Variants in ZSCAN5A observed in about 807,000 individuals in gnomAD.
ZSCAN5A encodes the protein zinc finger and SCAN domain-containing protein 5A.
ZSCAN5A carries 12 observed loss-of-function variants against 23.7 expected under a neutral mutation model. The ratio of observed to expected loss-of-function variants is 0.51; its 90% CI spans 0.32 to 0.82. The LOEUF (loss-of-function observed/expected upper bound fraction) is 0.82, where lower values mean the gene tolerates loss of function less well. Ranked by LOEUF, ZSCAN5A falls within the 40% of genes least tolerant of loss-of-function variation. The pLI is 0.03. For missense variants in ZSCAN5A, 597 were observed against 617.9 expected (o/e 0.97, Z 0.36); for synonymous variants, 257 against 239.9 (o/e 1.07, Z -0.66).
intron 2 of ZSCAN5A, among the ~76,000 whole-genome samples, chr19:56,247,693 C>CTTT (rs1568644282): frequency 2.6e-5 from 2 of 76,374 alleles, no homozygotes; most frequent in Non-Finnish European, 6.1e-5. Flanking sequence ...GCTGTTCTTT[C>CTTT]TTTTATTATT....
intron 2 of ZSCAN5A, chr19:56,228,305 C>G: frequency 1.0e-6 from 1 of 985,388 alleles, no homozygotes; most frequent in Non-Finnish European, 1.2e-6. Context: ...GCTCTCCAAC[C>G]GGCCTGGAGC....
At chr19:56,342,534 C>T (rs2041600993) in intron 2 of ZSCAN5A, 2 of 341,966 alleles carry the variant, frequency 5.8e-6, no homozygotes, top group South Asian at 6.9e-5. Context: ...GAAGAATGGA[C>T]CACCCACTTT....
At chr19:56,342,662 C>A in intron 2 of ZSCAN5A, 1 of 550,982 alleles carries the variant, frequency 1.8e-6, no homozygotes, top group South Asian at 2.2e-5. Context: ...GACCTCCTGC[C>A]AGTAGGAGTC....
chr19:56,366,560 G>A (rs2041767767), intron 1 of ZSCAN5A, among the ~76,000 whole-genome samples: 1 of 152,100 alleles, frequency 6.6e-6, no homozygotes, highest in Admixed American at 6.5e-5. Context: ...AGTGTAACTG[G>A]CCTTAACCAA....
rs946375505 is a variant in ZSCAN5A, at chr19:56,238,318, C to T, written c.-127-13145G>A. ...TGAAAATAGTCACTATGTGAGTTGA[C>T]GAATACATTAATTAGCTTGATTGTA... On this transcript the variant is annotated intron_variant, in intron 2 of 5. Coordinates refer to ENST00000683990, the MANE Select transcript of ZSCAN5A (RefSeq NM_001322064.3). Among the ~76,000 whole-genome samples, 14 of 151,980 alleles carry T rather than the reference C, an allele frequency of 9.2e-5. No homozygotes were observed. The East Asian group carries it at 9.6e-4, about 10-fold the overall frequency.
chr19:56,320,437 A>T (rs11878278), intron 2 of ZSCAN5A, among the ~76,000 whole-genome samples: 43,526 of 151,802 alleles, frequency 0.29, 6,557 homozygotes, highest in Middle Eastern at 0.45. Flanking sequence ...CTAAAAATAC[A>T]AAATTAGCCA....
intron 2 of ZSCAN5A, among the ~76,000 whole-genome samples, chr19:56,274,181 C>T (rs1217229589): frequency 2.6e-5 from 4 of 152,026 alleles, no homozygotes; most frequent in African/African-American, 7.3e-5. Context: ...AGGTCGGGCG[C>T]GGTGGCTCAC....
At chr19:56,304,696 G>A (rs1398632489) in intron 2 of ZSCAN5A, 4 of 695,592 alleles carry the variant, frequency 5.8e-6, no homozygotes, top group African/African-American at 3.9e-5. Context: ...GGAAAGAAGC[G>A]AGAGGGGGAT....
intron 2 of ZSCAN5A, among the ~76,000 whole-genome samples, chr19:56,291,873 G>A (rs143859449): frequency 4.1e-4 from 63 of 152,314 alleles, no homozygotes; most frequent in African/African-American, 1.4e-3. Context: ...GGATGGTGAT[G>A]ACAGTGATGG....
At chr19:56,245,860 T>C (rs2035846498) in intron 2 of ZSCAN5A, among the ~76,000 whole-genome samples, 1 of 151,946 alleles carries the variant, frequency 6.6e-6, no homozygotes, top group East Asian at 1.9e-4. Context: ...GATGTGTTTG[T>C]GTGTCATTGT....
chr19:56,345,006 G>A (rs1159996324), intron 2 of ZSCAN5A, among the ~76,000 whole-genome samples: 10 of 151,452 alleles, frequency 6.6e-5, no homozygotes, highest in South Asian at 4.2e-4. Context: ...TCGGGAGGCC[G>A]AGGCAGGAGA....
intron 2 of ZSCAN5A, among the ~76,000 whole-genome samples, chr19:56,305,318 A>G (rs2040613739): frequency 6.6e-6 from 1 of 152,176 alleles, no homozygotes; most frequent in Non-Finnish European, 1.5e-5. Flanking sequence ...TGGTCATTTC[A>G]TACACATGGA....
chr19:56,256,734 G>C (rs1261143530), intron 2 of ZSCAN5A, among the ~76,000 whole-genome samples: 1 of 152,190 alleles, frequency 6.6e-6, no homozygotes, highest in Non-Finnish European at 1.5e-5. Context: ...TGGTGGCAGG[G>C]ACCAGTGGGC....
intron 2 of ZSCAN5A, among the ~76,000 whole-genome samples, chr19:56,259,772 A>C (rs763836918): frequency 1.3e-5 from 2 of 152,204 alleles, no homozygotes; most frequent in African/African-American, 2.4e-5. Context: ...TCAGGAGTTT[A>C]AGATTAGCCT....
chr19:56,356,376 T>C (rs10424676), intron 2 of ZSCAN5A, among the ~76,000 whole-genome samples: 42,101 of 147,756 alleles, frequency 0.28, 9,593 homozygotes, highest in African/African-American at 0.49. Context: ...TCTTACATCC[T>C]TGGGAATACA....
At chr19:56,322,026 T>A in intron 2 of ZSCAN5A, 1 of 777,020 alleles carries the variant, frequency 1.3e-6, no homozygotes, top group Non-Finnish European at 2.4e-6. Context: ...TCTACAAGGC[T>A]GTTTTTAGTC....
At chr19:56,315,036 G>A (rs1334459717), upstream of ZSCAN5A, 1 of 119,434 alleles carries the variant, frequency 8.4e-6, no homozygotes, top group Non-Finnish European at 1.9e-5. Context: ...ATCATTACTA[G>A]TGCAGGCATT....
intron 4 of ZSCAN5A, among the ~76,000 whole-genome samples, chr19:56,223,176 A>C (rs1375376796): frequency 6.6e-6 from 1 of 151,904 alleles, no homozygotes; most frequent in Non-Finnish European, 1.5e-5. Flanking sequence ...TTAACACCCC[A>C]CCATCCCCTA....
intron 2 of ZSCAN5A, among the ~76,000 whole-genome samples, chr19:56,287,217 C>T (rs1378563403): frequency 2.0e-5 from 3 of 152,236 alleles, no homozygotes; most frequent in African/African-American, 7.2e-5. Flanking sequence ...GAACTCTCCT[C>T]CTTGCCCATC....
Sources: gnomAD v4.1 joint callset for allele counts (sites outside exome capture counted in the v4.1 genomes callset) on GRCh38, gnomAD v4.1.1 for gene constraint, MANE v1.5 for transcripts, NCBI Gene and HGNC (gene_info 2026-07-23, HGNC 2026-07-21) for gene names.